Variants in CFAP61 observed in about 807,000 individuals in gnomAD.
CFAP61 encodes the protein cilia- and flagella-associated protein 61.
Under a neutral mutation model 135.6 loss-of-function variants are expected in CFAP61, and 107 were observed. The ratio of observed to expected loss-of-function variants is 0.79; its 90% confidence interval spans 0.67 to 0.93. The LOEUF (loss-of-function observed/expected upper bound fraction) is 0.93, where lower values mean the gene tolerates loss of function less well. Ranked by LOEUF, CFAP61 falls within the 40% of genes least tolerant of loss-of-function variation. The probability of loss-of-function intolerance (pLI) is 0.00; values close to 1 mark genes in which losing one functional copy is unlikely to be tolerated. For missense variants in CFAP61, 1,507 were observed against 1,556.2 expected (o/e 0.97, Z 0.53); for synonymous variants, 575 against 578.5 (o/e 0.99, Z 0.09).
At chr20:20,057,975 G>C (rs1367661602) in intron 2 of CFAP61, among the ~76,000 whole-genome samples, 1 of 152,164 alleles carries the variant, frequency 6.6e-6, no homozygotes, top group East Asian at 1.9e-4. Context: ...TGATCTGCCT[G>C]CCTTGGCCTC....
chr20:20,235,783 G>A (rs1327103134), intron 18 of CFAP61, among the ~76,000 whole-genome samples: 1 of 152,186 alleles, frequency 6.6e-6, no homozygotes, highest in Non-Finnish European at 1.5e-5. Flanking sequence ...AAATTTGGAA[G>A]GGAAGCCCAG....
chr20:20,317,722 G>A (rs907708129), intron 25 of CFAP61, among the ~76,000 whole-genome samples: 3 of 152,258 alleles, frequency 2.0e-5, no homozygotes, highest in Admixed American at 6.5e-5. Context: ...CAGGATACGT[G>A]CTGAAGGCTC....
In CFAP61 at chr20:20,269,164, C is replaced by CATATGTATATATACACATAT. The variant is rs1555941609; in HGVS notation, c.2503+6037_2503+6038insTGTATATATACACATATATA. 1.2e-3 allele frequency among the ~76,000 whole-genome samples: 133 copies of CATATGTATATATACACATAT among 112,446 alleles called. 2 individuals carry two copies. The highest frequency in any genetic ancestry group is 3.2e-3 in the African/African-American group (98 of 30,896). The allele number at this position is 112,446 out of a possible 152,430, so 73.8% of individuals were successfully genotyped here. A position where few individuals can be genotyped will look rare whatever the true frequency, so the allele number is the denominator to read the frequency against. On this transcript the variant is annotated intron_variant, in intron 21 of 26. Transcript: ENST00000245957. The stretch of plus-strand genomic sequence containing the variant: ...ATATATATACACACACACACACACA[C>CATATGTATATATACACATAT]ATACATATATGTATATACACACACA...
intron 2 of CFAP61, chr20:20,069,730 T>A: frequency 2.2e-6 from 1 of 456,338 alleles, no homozygotes; most frequent in South Asian, 1.6e-5. Flanking sequence ...ATTTATTTTT[T>A]CTCTTCTTGC....
At chr20:20,302,584 C>T (rs2056176828) in intron 25 of CFAP61, among the ~76,000 whole-genome samples, 1 of 152,186 alleles carries the variant, frequency 6.6e-6, no homozygotes, top group Non-Finnish European at 1.5e-5. Context: ...ATCACTTGAA[C>T]CTGAGAGGCG....
chr20:20,327,483 TA>T (rs889989111), intron 25 of CFAP61, among the ~76,000 whole-genome samples: 1 of 152,134 alleles, frequency 6.6e-6, no homozygotes, highest in African/African-American at 2.4e-5. Flanking sequence ...GAAATGTCTC[TA>T]AAAAATATAA....
At chr20:20,291,455 T>G (rs2054991573) in intron 24 of CFAP61, among the ~76,000 whole-genome samples, 1 of 152,224 alleles carries the variant, frequency 6.6e-6, no homozygotes, top group Non-Finnish European at 1.5e-5. Context: ...CTTAGTAATA[T>G]CCATTTAAGC....
At chr20:20,309,723 G>C (rs942999122) in intron 25 of CFAP61, among the ~76,000 whole-genome samples, 14 of 152,128 alleles carry the variant, frequency 9.2e-5, no homozygotes, top group African/African-American at 3.4e-4. Flanking sequence ...AAAAAATTAT[G>C]TTTGGGACAG....
chr20:20,200,045 CG>C, intron 17 of CFAP61, 143 bp downstream of exon 17: 1 of 968,098 alleles, frequency 1.0e-6, no homozygotes, highest in Non-Finnish European at 1.5e-6. Context: ...GGCGGAGCCC[CG>C]CGAAGGCTCC....
At chr20:20,054,396 GATAT>G (rs34409266) in intron 1 of CFAP61, among the ~76,000 whole-genome samples, 138 of 140,266 alleles carry the variant, frequency 9.8e-4, no homozygotes, top group African/African-American at 3.4e-3. Context: ...ATGAGCTAGG[GATAT>G]ATATATATAT....
At position 20,075,208 on chromosome 20, in the gene CFAP61, C is replaced by G. The variant is rs529375058; in HGVS notation, c.391C>G (p.Pro131Ala). The G allele has an allele frequency of 1.9e-6, 3 of 1,614,070 alleles. No homozygotes were observed. In the East Asian group the frequency reaches 6.7e-5, roughly 36 times the overall value. The change falls in exon 5 of 27, where the codon CCA becomes GCA. Residue 131 changes from proline (P) to alanine (A), a missense_variant. Transcript: ENST00000245957. ...CACCAGAACCGTGTATAAGGCAGTG[C>G]CAGAGCTGCACTTCATATTTCTCAT... ...EILRTVYKAV[P>A]ELHFIFLIVP...
At chr20:20,201,641 G>A (rs995621706) in intron 17 of CFAP61, among the ~76,000 whole-genome samples, 1 of 152,196 alleles carries the variant, frequency 6.6e-6, no homozygotes, top group African/African-American at 2.4e-5. Context: ...GTCAGAGACA[G>A]TGGCTACATG....
chr20:20,083,437 T>C lies in CFAP61; in HGVS notation c.567-7407T>C, dbSNP rs549697128. 3.2e-4 allele frequency among the ~76,000 whole-genome samples: 49 copies of C among 152,210 alleles called. No homozygotes were observed. The East Asian group carries it at 9.3e-3, about 29-fold the overall frequency. ...GGTGCACTAAAATCTCAGAATTCAC[T>C]ACTAAGGAACTCATCCATTTGACTA... On this transcript the variant is annotated intron_variant, in intron 6 of 26. Coordinates refer to ENST00000245957, the MANE Select transcript of CFAP61 (RefSeq NM_015585.4).
Position 20,288,918 on chromosome 20 carries a change from A to C in CFAP61, c.3106A>C (p.Lys1036Gln). 6.2e-7 allele frequency: 1 copy of C among 1,607,696 alleles called. No homozygotes were observed. Among genetic ancestry groups the C allele is most frequent in the Non-Finnish European group, 8.5e-7 (1 of 1,174,658 alleles). ...TCTTGACCGGCTCATCCCCATGTAC[A>C]AGGGAGCCAAGATTCAAGGTATACG... The part of the protein sequence containing the change: ...ANLDRLIPMY[K>Q]GAKIQGGILP... Residue 1036 changes from lysine (K) to glutamine (Q), a missense_variant, in exon 23 of 27, where the codon AAG (lysine) becomes CAG (glutamine). Lys to Gln is a moderately conservative substitution (Grantham distance 53). Transcript: ENST00000245957.
At chr20:20,335,402 A>T (rs141660285) in intron 25 of CFAP61, among the ~76,000 whole-genome samples, 109 of 152,342 alleles carry the variant, frequency 7.2e-4, no homozygotes, top group African/African-American at 2.4e-3. Flanking sequence ...ATTTATAAGG[A>T]AGTACATCAT....
At chr20:20,337,044 C>G (rs113885415) in intron 25 of CFAP61, among the ~76,000 whole-genome samples, 1 of 152,178 alleles carries the variant, frequency 6.6e-6, no homozygotes, top group African/African-American at 2.4e-5. Flanking sequence ...TCCTTGCAAC[C>G]GTTAATGTCA....
At chr20:20,269,164 C>CACATAT (rs372986717) in intron 21 of CFAP61, among the ~76,000 whole-genome samples, 20 of 112,536 alleles carry the variant, frequency 1.8e-4, no homozygotes, top group African/African-American at 4.8e-4. Context: ...CACACACACA[C>CACATAT]ATACATATAT....
chr20:20,144,809 A>T (rs1218948626), intron 9 of CFAP61, among the ~76,000 whole-genome samples: 4 of 152,118 alleles, frequency 2.6e-5, no homozygotes, highest in African/African-American at 9.7e-5. Context: ...GAACAGAGAA[A>T]CAAAGATATG....
rs74180988 is a variant in CFAP61 at position 20,314,220 on chromosome 20, C to CAAA, written c.3422+15852_3422+15854dup. Among the ~76,000 whole-genome samples the CAAA allele has an allele frequency of 2.4e-3, 232 of 95,336 alleles. 6 individuals carry two copies. In the South Asian group the frequency reaches 0.024, roughly 10 times the overall value. The allele number at this position is 95,336 out of a possible 152,430, so 62.5% of individuals were successfully genotyped here. On this transcript the variant is annotated intron_variant, in intron 25 of 26. Transcript: ENST00000245957. ...GCAACATAGTGAGACCCCATCTCTACAAAAAAAAAAAAAAAAAAAATTAGC... is the reference window on the plus strand; with the variant it reads ...GCAACATAGTGAGACCCCATCTCTACAAAAAAAAAAAAAAAAAAAAAAATTAGC...
Sources: allele counts gnomAD v4.1 joint callset (sites outside exome capture counted in the v4.1 genomes callset), GRCh38; gene constraint gnomAD v4.1.1; transcripts MANE v1.5; gene names NCBI Gene and HGNC (gene_info 2026-07-23, HGNC 2026-07-21).